The following ACVR1C variants were observed in gnomAD, a reference collection of about 807,000 sequenced individuals.
ACVR1C encodes activin A receptor type 1C, also known as activin receptor type-1C.
A neutral mutation model predicts 57.9 loss-of-function variants in ACVR1C; 23 were observed. The ratio of observed to expected loss-of-function variants is 0.40; its 90% CI spans 0.29 to 0.56. ACVR1C has a LOEUF of 0.56. Ranked by LOEUF, ACVR1C falls within the 20% of genes least tolerant of loss-of-function variation. The probability of loss-of-function intolerance (pLI) is 0.50; values close to 1 mark genes in which losing one functional copy is unlikely to be tolerated. For synonymous variants in ACVR1C, 214 were observed against 215.3 expected, an observed-to-expected ratio of 0.99 and a Z score of 0.05; for missense variants, 480 against 607.9, an observed-to-expected ratio of 0.79 and a Z score of 2.21.
intron 2 of ACVR1C, among the ~76,000 whole-genome samples, chr2:157,585,301 T>G (rs1174544477): frequency 6.6e-6 from 1 of 152,200 alleles, no homozygotes; most frequent in East Asian, 1.9e-4. Context: ...ACTATTTTTT[T>G]GTAAATAAAT....
intron 3 of ACVR1C, among the ~76,000 whole-genome samples, chr2:157,554,122 G>T (rs1181783067): frequency 6.7e-6 from 1 of 149,880 alleles, no homozygotes; most frequent in African/African-American, 2.5e-5. Context: ...GGGAGAGGTT[G>T]CAGTGAGCCA....
intron 3 of ACVR1C, among the ~76,000 whole-genome samples, chr2:157,555,309 C>T (rs889561957): frequency 6.6e-6 from 1 of 150,832 alleles, no homozygotes; most frequent in African/African-American, 2.4e-5. Flanking sequence ...TTAGTAGAGA[C>T]GGGGTTTCAC....
intron 1 of ACVR1C, among the ~76,000 whole-genome samples, chr2:157,612,893 A>G (rs79780005): frequency 0.014 from 2,079 of 152,308 alleles, 140 homozygotes; most frequent in Admixed American, 0.1. Context: ...GATGAATCCA[A>G]GTGACAGCAG....
intron 5 of ACVR1C, among the ~76,000 whole-genome samples, chr2:157,544,035 C>CT (rs1217763945): frequency 0.011 from 1,386 of 124,386 alleles, 23 homozygotes; most frequent in Middle Eastern, 0.03. Context: ...TGTTTCTTTA[C>CT]TTTTTTTTTT....
chr2:157,533,991 G>T lies in ACVR1C; in HGVS notation c.1409C>A (p.Ala470Glu). The change falls in exon 9 of 9, where the codon GCG (alanine) becomes GAG (glutamate). Residue 470 changes from alanine (A) to glutamate (E), a missense_variant. Ala to Glu is a moderately radical substitution (Grantham distance 107). Coordinates refer to ENST00000243349, the MANE Select transcript of ACVR1C (RefSeq NM_145259.3). ...AATACGAAGAGCAGTTAGGCGGGCC[G>T]CTCCGTTGGCATACCAACACTCACG... ...IMRECWYANG[A>E]ARLTALRIKK... is the part of the protein sequence containing the mutation. 8 of 1,594,472 alleles carry T rather than the reference G, an allele frequency of 5.0e-6. No individual in the cohort carries two copies. Among genetic ancestry groups the T allele is most frequent in the Non-Finnish European group, 6.8e-6 (8 of 1,171,714 alleles).
chr2:157,583,715 A>G (rs1189641940), intron 2 of ACVR1C, among the ~76,000 whole-genome samples: 20 of 152,232 alleles, frequency 1.3e-4, no homozygotes, highest in Admixed American at 1.3e-3. Context: ...ACCCACATAT[A>G]TAAAGTTACT....
intron 8 of ACVR1C, among the ~76,000 whole-genome samples, chr2:157,535,959 T>A (rs538492790): frequency 2.6e-5 from 4 of 152,116 alleles, no homozygotes; most frequent in Non-Finnish European, 5.9e-5. Flanking sequence ...CATATCCCTA[T>A]GGACTGAGCC....
intron 8 of ACVR1C, among the ~76,000 whole-genome samples, chr2:157,537,376 C>T (rs543149575): frequency 5.3e-5 from 8 of 151,384 alleles, no homozygotes; most frequent in Admixed American, 2.0e-4. Context: ...TATATTGTTT[C>T]GTGTACATAA....
intron 4 of ACVR1C, among the ~76,000 whole-genome samples, chr2:157,549,514 A>T (rs1204086491): frequency 6.6e-6 from 1 of 152,068 alleles, no homozygotes; most frequent in Non-Finnish European, 1.5e-5. Context: ...TTCTGTTCTG[A>T]TTAGTTGGTT....
At chr2:157,604,470 A>G (rs991185785) in intron 1 of ACVR1C, among the ~76,000 whole-genome samples, 3 of 152,044 alleles carry the variant, frequency 2.0e-5, no homozygotes, top group African/African-American at 7.2e-5. Flanking sequence ...TTGTTTATCC[A>G]TTCATCAGTT....
In ACVR1C at chr2:157,538,556, T is replaced by C; in HGVS notation, c.1356+17A>G. 6.5e-7 allele frequency: 1 copy of C among 1,540,796 alleles called. No homozygotes were observed. The highest frequency in any genetic ancestry group is 1.3e-5 in the South Asian group (1 of 75,862). On this transcript the variant is annotated intron_variant, in intron 8 of 8. Transcript: ENST00000243349. ...AAAAATATAATAAGAAAAATATAGA[T>C]AAAAACATGGCCTTACTTCACAACT...
chr2:157,551,853 A>C (rs1168060773), intron 3 of ACVR1C, among the ~76,000 whole-genome samples: 2 of 152,220 alleles, frequency 1.3e-5, no homozygotes, highest in East Asian at 3.9e-4. Flanking sequence ...TCATATGGAC[A>C]TATAAGCACA....
In ACVR1C at chr2:157,533,734, A is replaced by G; in HGVS notation, c.*184T>C. 2.5e-6 allele frequency: 1 copy of G among 393,068 alleles called. No individual in the cohort carries two copies. The highest frequency in any genetic ancestry group is 4.3e-6 in the Non-Finnish European group (1 of 233,094). The allele number at this position is 393,068 out of a possible 1,614,324, so 24.3% of individuals were successfully genotyped here. On this transcript the variant is annotated 3_prime_UTR_variant, in exon 9 of 9. Transcript: ENST00000243349. ...AAATTAAACATAACATAGAGATTGG[A>G]TGAAGTCAACTCCTGCCCATGCTTA...
chr2:157,544,834 G>A (rs758846910), intron 4 of ACVR1C, among the ~76,000 whole-genome samples: 9 of 152,104 alleles, frequency 5.9e-5, no homozygotes, highest in African/African-American at 2.2e-4. Flanking sequence ...AAAATAGAAA[G>A]TTGTGAGGTT....
chr2:157,609,390 A>G (rs1484042985), intron 1 of ACVR1C, among the ~76,000 whole-genome samples: 1 of 152,136 alleles, frequency 6.6e-6, no homozygotes, highest in Non-Finnish European at 1.5e-5. Context: ...AACCTAACAC[A>G]TGATCTCTCC....
At chr2:157,603,651 G>T (rs888167988) in intron 1 of ACVR1C, among the ~76,000 whole-genome samples, 1 of 152,074 alleles carries the variant, frequency 6.6e-6, no homozygotes, top group African/African-American at 2.4e-5. Context: ...TACAGATAAT[G>T]TCCCTGACTG....
intron 2 of ACVR1C, among the ~76,000 whole-genome samples, chr2:157,577,256 C>A (rs1463153615): frequency 2.6e-5 from 4 of 152,090 alleles, no homozygotes; most frequent in South Asian, 2.1e-4. Flanking sequence ...TTATAATTTT[C>A]TAAAAAGTAG....
At chr2:157,538,345 TAA>T (rs571480828) in intron 8 of ACVR1C, among the ~76,000 whole-genome samples, 25 of 152,120 alleles carry the variant, frequency 1.6e-4, no homozygotes, top group Non-Finnish European at 2.8e-4. Flanking sequence ...AAGCAAGAAA[TAA>T]AGTCTTGTGG....
intron 2 of ACVR1C, among the ~76,000 whole-genome samples, chr2:157,560,948 C>T (rs1688219237): frequency 2.0e-5 from 3 of 152,114 alleles, no homozygotes; most frequent in African/African-American, 7.2e-5. Flanking sequence ...ACATTCCCCA[C>T]TATATTAAAA....
Sources: allele counts gnomAD v4.1 joint callset (sites outside exome capture counted in the v4.1 genomes callset), GRCh38; gene constraint gnomAD v4.1.1; transcripts MANE v1.5; gene names NCBI Gene and HGNC (gene_info 2026-07-23, HGNC 2026-07-21).